CAMTA1: variants seen among roughly 807,000 people sequenced by gnomAD.
The protein encoded by CAMTA1 is calmodulin binding transcription activator 1.
Under a neutral mutation model 170.9 loss-of-function variants are expected in CAMTA1, and 27 were observed. The ratio of observed to expected loss-of-function variants is 0.16; its 90% CI spans 0.12 to 0.22. The LOEUF is 0.22. Among genes scored for constraint, CAMTA1 ranks in the 10% least tolerant of loss-of-function variants. The pLI is 1.00. For synonymous variants in CAMTA1, 833 were observed against 891.5 expected, an observed-to-expected ratio of 0.93 and a Z score of 1.17; for missense variants, 1,619 against 2,217.2, an observed-to-expected ratio of 0.73 and a Z score of 5.42.
chr1:6,790,062 C>T (rs941906045), intron 1 of CAMTA1, among the ~76,000 whole-genome samples: 3 of 151,930 alleles, frequency 2.0e-5, no homozygotes, highest in Non-Finnish European at 4.4e-5. Flanking sequence ...GATCCGCCTA[C>T]CTCAGCCTCC....
At chr1:6,789,804 CTTTTTT>C (rs34542033) in intron 1 of CAMTA1, among the ~76,000 whole-genome samples, 2 of 85,672 alleles carry the variant, frequency 2.3e-5, no homozygotes, top group Non-Finnish European at 4.3e-5. Flanking sequence ...TTTAGTGTAT[CTTTTTT>C]TTTTTTTTTT....
chr1:7,245,437 T>C (rs1665611127), intron 4 of CAMTA1, among the ~76,000 whole-genome samples: 1 of 151,860 alleles, frequency 6.6e-6, no homozygotes, highest in African/African-American at 2.4e-5. Flanking sequence ...GATGTATCTA[T>C]AAGCCAATAG....
chr1:7,351,200 T>C (rs946427262), intron 5 of CAMTA1, among the ~76,000 whole-genome samples: 3 of 152,256 alleles, frequency 2.0e-5, no homozygotes, highest in African/African-American at 7.2e-5. Context: ...ATCCATGGCC[T>C]CACGCTTTTC....
At chr1:7,171,516 G>A (rs188400303) in intron 4 of CAMTA1, among the ~76,000 whole-genome samples, 3 of 152,168 alleles carry the variant, frequency 2.0e-5, no homozygotes, top group African/African-American at 7.2e-5. Context: ...GTATTTATTG[G>A]ACTGAAATAG....
intron 3 of CAMTA1, among the ~76,000 whole-genome samples, chr1:6,830,678 A>G (rs1649587828): frequency 6.6e-6 from 1 of 152,104 alleles, no homozygotes; most frequent in Non-Finnish European, 1.5e-5. Flanking sequence ...TATGTATTAC[A>G]ATATAAACTG....
rs538617584 is a variant in CAMTA1, at chr1:6,965,462, G to T, written c.235-125842G>T. Among the ~76,000 whole-genome samples the T allele has an allele frequency of 1.3e-5, 2 of 152,146 alleles. No individual in the cohort carries two copies. The highest frequency in any genetic ancestry group is 1.5e-5 in the Non-Finnish European group (1 of 68,022). On this transcript the variant is annotated intron_variant, in intron 3 of 22. Transcript: ENST00000303635. The surrounding 1 kb of genome is among the most constrained non-coding windows in gnomAD (Gnocchi z 4.1). ...AAGGTAATGCATTTCAGCTGCCTGT[G>T]GGGGAAGGTAAATGTGGTTTATTAG...
intron 5 of CAMTA1, chr1:7,389,370 G>C (rs1382699018): frequency 6.6e-6 from 1 of 152,602 alleles, no homozygotes; most frequent in Non-Finnish European, 1.5e-5. Context: ...GGGCACTGGA[G>C]TTCTTGATGT....
intron 11 of CAMTA1, among the ~76,000 whole-genome samples, chr1:7,719,774 C>T (rs2096637258): frequency 1.3e-5 from 2 of 152,180 alleles, no homozygotes; most frequent in African/African-American, 4.8e-5. Context: ...TAAGTGACTT[C>T]ATTTTCCCTG....
intron 11 of CAMTA1, among the ~76,000 whole-genome samples, chr1:7,710,054 G>A (rs1355256764): frequency 2.0e-5 from 3 of 152,124 alleles, no homozygotes; most frequent in African/African-American, 7.2e-5. Flanking sequence ...CTGTTATGAC[G>A]CCACATTTAG....
At chr1:7,490,234 G>C (rs796619665) in intron 6 of CAMTA1, among the ~76,000 whole-genome samples, 2 of 152,216 alleles carry the variant, frequency 1.3e-5, no homozygotes, top group South Asian at 4.1e-4. Flanking sequence ...GGATTGCACC[G>C]TGCACAATGT....
At chr1:7,601,286 G>T (rs2095440037) in intron 6 of CAMTA1, among the ~76,000 whole-genome samples, 1 of 151,386 alleles carries the variant, frequency 6.6e-6, no homozygotes, top group African/African-American at 2.4e-5. Flanking sequence ...CAGGCAGAGG[G>T]TCTCCTCACT....
intron 11 of CAMTA1, among the ~76,000 whole-genome samples, chr1:7,722,334 A>G (rs1004316429): frequency 6.6e-6 from 1 of 152,238 alleles, no homozygotes; most frequent in African/African-American, 2.4e-5. Flanking sequence ...CCCCTGTCAG[A>G]GAAAGAGGAA....
At chr1:7,073,223 C>T (rs1287751017) in intron 3 of CAMTA1, among the ~76,000 whole-genome samples, 1 of 152,034 alleles carries the variant, frequency 6.6e-6, no homozygotes, top group Non-Finnish European at 1.5e-5. Flanking sequence ...CTGTCATCTA[C>T]TGAGGTGGGG....
At chr1:7,556,559 C>T (rs1472350867) in intron 6 of CAMTA1, among the ~76,000 whole-genome samples, 3 of 152,192 alleles carry the variant, frequency 2.0e-5, no homozygotes, top group Non-Finnish European at 4.4e-5. Flanking sequence ...ATCACCTCGC[C>T]AATTCAACAC....
chr1:7,075,506 G>A (rs976385112), intron 3 of CAMTA1, among the ~76,000 whole-genome samples: 1 of 152,108 alleles, frequency 6.6e-6, no homozygotes, highest in Non-Finnish European at 1.5e-5. Flanking sequence ...GGAGCACAGC[G>A]TTGGTTCAGC....
chr1:7,557,952 C>G (rs953661991), intron 6 of CAMTA1, among the ~76,000 whole-genome samples: 1 of 152,198 alleles, frequency 6.6e-6, no homozygotes, highest in Non-Finnish European at 1.5e-5. Flanking sequence ...CCACCAGCCC[C>G]GTGAGCATCT....
chr1:7,271,573 T>TAGAC (rs1462137646), intron 5 of CAMTA1, among the ~76,000 whole-genome samples: 1 of 115,460 alleles, frequency 8.7e-6, no homozygotes, highest in Non-Finnish European at 1.7e-5. Context: ...AAGAGATAGA[T>TAGAC]AGATAGATAG....
At chr1:7,385,944 T>C (rs2087914282) in intron 5 of CAMTA1, among the ~76,000 whole-genome samples, 1 of 152,220 alleles carries the variant, frequency 6.6e-6, no homozygotes, top group African/African-American at 2.4e-5. Flanking sequence ...CCTTCTGGGC[T>C]GTGAGGGCCT....
intron 3 of CAMTA1, among the ~76,000 whole-genome samples, chr1:7,056,350 G>A (rs939398386): frequency 6.6e-6 from 1 of 152,122 alleles, no homozygotes; most frequent in Non-Finnish European, 1.5e-5. Context: ...TCAAGTAACT[G>A]AACCTGCCAC....
Sources: gnomAD v4.1 joint callset for allele counts (sites outside exome capture counted in the v4.1 genomes callset) on GRCh38, gnomAD v4.1.1 for gene constraint, Gnocchi (gnomAD v3.1) non-coding constraint, MANE v1.5 for transcripts, NCBI Gene and HGNC (gene_info 2026-07-23, HGNC 2026-07-21) for gene names.